The following WDFY4 variants were observed in gnomAD, a reference collection of about 807,000 sequenced individuals.
WDFY4 encodes the protein WDFY family member 4.
WDFY4 carries 169 observed loss-of-function variants against 351.9 expected under a neutral mutation model. That is an observed-to-expected ratio of 0.48 (90% CI 0.42 to 0.55). The LOEUF (loss-of-function observed/expected upper bound fraction) is 0.55. WDFY4 is among the 20% of genes least tolerant of loss of function. The pLI, the probability that WDFY4 is intolerant of heterozygous loss-of-function variation, is 0.00. For missense variants in WDFY4, 3,803 were observed against 3,935.6 expected (o/e 0.97, Z 0.90); for synonymous variants, 1,622 against 1,574.6 (o/e 1.03, Z -0.71).
In WDFY4 at chr10:48,814,100, C is replaced by T; in HGVS notation, c.5340+18C>T. The T allele has an allele frequency of 1.3e-6, 2 of 1,527,384 alleles. No homozygotes were observed. The highest frequency in any genetic ancestry group is 1.8e-6 in the Non-Finnish European group (2 of 1,133,412). 94.6% of individuals were successfully genotyped at this position (1,527,384 alleles called of 1,614,324 possible). ...TGAGCCAGGTGAGACCCATTCCCCA[C>T]ATGCTGCCCCGAGGAGGTTCTGATG... On this transcript the variant is annotated intron_variant, in intron 31 of 61. Transcript: ENST00000325239.
intron 43 of WDFY4, among the ~76,000 whole-genome samples, chr10:48,881,408 C>T (rs1173380487): frequency 6.6e-6 from 1 of 152,102 alleles, no homozygotes; most frequent in Non-Finnish European, 1.5e-5. Context: ...GTCTGGTTGT[C>T]CTGCCGAGAT....
At chr10:48,905,075 A>G (rs565471453) in intron 47 of WDFY4, among the ~76,000 whole-genome samples, 7 of 152,338 alleles carry the variant, frequency 4.6e-5, no homozygotes, top group African/African-American at 1.7e-4. Context: ...TTGTCTCTGC[A>G]GCTCACCCTT....
intron 20 of WDFY4, among the ~76,000 whole-genome samples, chr10:48,787,912 CTTCTTCTTCTT>C (rs2066510289): frequency 2.2e-5 from 1 of 45,168 alleles, no homozygotes; most frequent in African/African-American, 1.2e-4. Flanking sequence ...TCTTCTTCTT[CTTCTTCTTCTT>C]CTTCTTCTTC....
chr10:48,892,715 A>T (rs60629772), intron 44 of WDFY4, among the ~76,000 whole-genome samples: 5,135 of 152,302 alleles, frequency 0.034, 277 homozygotes, highest in African/African-American at 0.12. Flanking sequence ...TCTGTAAAAG[A>T]CTGCTATGGA....
At chr10:48,852,457 G>A (rs2620887) in intron 39 of WDFY4, among the ~76,000 whole-genome samples, 56,129 of 152,046 alleles carry the variant, frequency 0.37, 10,717 homozygotes, top group East Asian at 0.71. Flanking sequence ...TGAAAGTAAT[G>A]TTGAGAGAAC....
At position 48,957,127 on chromosome 10, in the gene WDFY4, A is replaced by T. The variant is rs1589990819; in HGVS notation, c.7978-2A>T. ...TGGTCATGTTGGCTCCATTTCCCCC[A>T]GGGCGGAAGCTTCGACGTGGCAGAC... On this transcript the variant is annotated splice_acceptor_variant, in intron 51 of 61. Transcript: ENST00000325239. LOFTEE classifies it high-confidence loss of function. 1 of 1,548,096 alleles carries T rather than the reference A, an allele frequency of 6.5e-7. No homozygotes were observed. Among genetic ancestry groups the T allele is most frequent in the Non-Finnish European group, 8.7e-7 (1 of 1,144,692 alleles).
rs1387159277 is a variant in WDFY4, at chr10:48,978,278, C to G, written c.9292-31C>G. Reference sequence around the variant, plus strand: ...CAAGCTTGCAGACAGGATCGTCTTCCCCGCCGATGACATTTGCTCTTTTGG... The same window carrying G: ...CAAGCTTGCAGACAGGATCGTCTTCGCCGCCGATGACATTTGCTCTTTTGG... On this transcript the variant is annotated intron_variant, in intron 59 of 61. Coordinates refer to ENST00000325239, the MANE Select transcript of WDFY4 (RefSeq NM_001394531.1). The G allele has an allele frequency of 2.6e-6, 4 of 1,545,338 alleles. No individual in the cohort carries two copies. The East Asian group carries it at 9.8e-5, about 38-fold the overall frequency.
intron 47 of WDFY4, among the ~76,000 whole-genome samples, chr10:48,926,029 T>C (rs1315662049): frequency 2.0e-5 from 3 of 152,228 alleles, no homozygotes; most frequent in African/African-American, 7.2e-5. Flanking sequence ...TCAATGTGTC[T>C]GATACGCAAG....
intron 47 of WDFY4, among the ~76,000 whole-genome samples, chr10:48,934,206 C>T (rs1365537175): frequency 2.0e-5 from 3 of 152,182 alleles, no homozygotes; most frequent in African/African-American, 4.8e-5. Context: ...ACATAGCATC[C>T]GTGTTGTTGA....
chr10:48,788,806 C>A, intron 21 of WDFY4, 131 bp downstream of exon 21: 5 of 1,247,116 alleles, frequency 4.0e-6, no homozygotes, highest in Non-Finnish European at 5.4e-6. Flanking sequence ...ACATGTTTCC[C>A]ACTTCATTTG....
chr10:48,805,242 C>T lies in WDFY4; in HGVS notation c.4485-18C>T, dbSNP rs917252137. ...ATTCCAGTAAAAGCTTTTACTGTCT[C>T]TCTCCTGTACTCACCAGGGAAGGAC... is the stretch of plus-strand genomic sequence containing the variant. On this transcript the variant is annotated intron_variant, in intron 25 of 61. Coordinates refer to ENST00000325239, the MANE Select transcript of WDFY4 (RefSeq NM_001394531.1). The T allele has an allele frequency of 5.9e-6, 9 of 1,533,752 alleles. No homozygotes were observed. Among genetic ancestry groups the T allele is most frequent in the African/African-American group, 4.1e-5 (3 of 72,724 alleles).
At chr10:48,870,213 G>C (rs1047678533) in intron 40 of WDFY4, among the ~76,000 whole-genome samples, 1 of 152,198 alleles carries the variant, frequency 6.6e-6, no homozygotes, top group Non-Finnish European at 1.5e-5. Flanking sequence ...GTTAATCTAA[G>C]TGTTGCTACC....
chr10:48,929,758 C>A (rs2133669953), intron 47 of WDFY4, among the ~76,000 whole-genome samples: 1 of 152,284 alleles, frequency 6.6e-6, no homozygotes, highest in South Asian at 2.1e-4. Flanking sequence ...GTCCCAAGCC[C>A]AGCTCCCAGC....
chr10:48,832,753 C>T, intron 39 of WDFY4, 44 bp downstream of exon 39: 1 of 1,483,056 alleles, frequency 6.7e-7, no homozygotes, highest in African/African-American at 1.4e-5. Flanking sequence ...CAGGCATTTG[C>T]TTCAAACCCC....
chr10:48,719,181 T>C (rs1448110370), intron 2 of WDFY4, among the ~76,000 whole-genome samples: 2 of 152,228 alleles, frequency 1.3e-5, no homozygotes, highest in Non-Finnish European at 2.9e-5. Flanking sequence ...ACTGCAGTTA[T>C]ATTATGGCCT....
chr10:48,882,032 C>A (rs1263005526), intron 43 of WDFY4, among the ~76,000 whole-genome samples: 1 of 152,226 alleles, frequency 6.6e-6, no homozygotes, highest in African/African-American at 2.4e-5. Flanking sequence ...TTCCCTGATA[C>A]ATAGGGTGAG....
chr10:48,903,109 A>G (rs979266415), intron 47 of WDFY4, among the ~76,000 whole-genome samples: 3 of 150,784 alleles, frequency 2.0e-5, no homozygotes, highest in Non-Finnish European at 4.4e-5. Context: ...GACTCTGTCT[A>G]AAAAAAAAGG....
At chr10:48,694,797 C>T (rs939469159) in intron 1 of WDFY4, among the ~76,000 whole-genome samples, 5 of 152,122 alleles carry the variant, frequency 3.3e-5, no homozygotes, top group Non-Finnish European at 5.9e-5. Flanking sequence ...CACTTACTGC[C>T]AGGGTCCATC....
At chr10:48,728,758 T>A (rs1344698098) in intron 7 of WDFY4, among the ~76,000 whole-genome samples, 1 of 152,250 alleles carries the variant, frequency 6.6e-6, no homozygotes, top group Non-Finnish European at 1.5e-5. Flanking sequence ...GAGGTCTGTG[T>A]CATAGCATTT....
Sources: gnomAD v4.1 joint callset for allele counts (sites outside exome capture counted in the v4.1 genomes callset) on GRCh38, gnomAD v4.1.1 for gene constraint, MANE v1.5 for transcripts, NCBI Gene and HGNC (gene_info 2026-07-23, HGNC 2026-07-21) for gene names.